Variants in ELP3 observed in about 807,000 individuals in gnomAD.
ELP3 encodes the protein elongator acetyltransferase complex subunit 3.
ELP3 carries 56 observed loss-of-function variants against 74.9 expected under a neutral mutation model. The observed-to-expected ratio is 0.75, with a 90% CI of 0.60 to 0.93. ELP3 has a LOEUF of 0.93. ELP3 is among the 40% of genes least tolerant of loss of function. The pLI is 0.00. For missense variants in ELP3, 573 were observed against 686.5 expected, an observed-to-expected ratio of 0.83 and a Z score of 1.85; for synonymous variants, 222 against 239.8, an observed-to-expected ratio of 0.93 and a Z score of 0.68.
upstream of ELP3, chr8:28,090,369 G>A: frequency 2.6e-6 from 1 of 382,066 alleles, no homozygotes; most frequent in Non-Finnish European, 5.1e-6. Context: ...CCAGGATGTT[G>A]CTTCCCGGTC....
intron 7 of ELP3, among the ~76,000 whole-genome samples, chr8:28,126,566 T>C (rs533816810): frequency 5.3e-5 from 8 of 152,160 alleles, no homozygotes; most frequent in Admixed American, 4.6e-4. Context: ...TCTCGAGAAG[T>C]TGACAGAGTT....
intron 6 of ELP3, chr8:28,112,461 CTT>C (rs1358947438): frequency 6.6e-6 from 1 of 151,872 alleles, no homozygotes; most frequent in African/African-American, 2.4e-5. Flanking sequence ...CAGACTTTCA[CTT>C]TTTTTTAGAA....
chr8:28,097,915 T>TA, intron 2 of ELP3, among the ~76,000 whole-genome samples: 1 of 152,168 alleles, frequency 6.6e-6, no homozygotes, highest in African/African-American at 2.4e-5. Context: ...TGTCCAGGGG[T>TA]AAGTAACTAG....
chr8:28,156,978 G>A (rs1179870844), intron 11 of ELP3, among the ~76,000 whole-genome samples: 1 of 152,130 alleles, frequency 6.6e-6, no homozygotes. Flanking sequence ...CACCAAACAA[G>A]ATTGTGTGCC....
rs1156367923 is a variant in ELP3 at position 28,160,555 on chromosome 8, A to C, written c.1485+99A>C. 4 of 1,019,856 alleles carry C rather than the reference A, an allele frequency of 3.9e-6. No homozygotes were observed. The African/African-American group carries it at 6.5e-5, about 17-fold the overall frequency. 63.2% of individuals were successfully genotyped at this position (1,019,856 alleles called of 1,614,324 possible). On this transcript the variant is annotated intron_variant, in intron 13 of 14. Transcript: ENST00000256398. ...AGAGAAGAGGAAGAGGCAGAGGAGC[A>C]GGAGAGGGGAAAGAGAAGCATAGAA...
At chr8:28,110,295 T>C in intron 5 of ELP3, 75 bp from the exon 6 acceptor site, 1 of 1,324,668 alleles carries the variant, frequency 7.5e-7, no homozygotes. Flanking sequence ...GAGAGTTTTT[T>C]TTAAAATACA....
At chr8:28,108,416 G>A (rs922306631) in intron 5 of ELP3, among the ~76,000 whole-genome samples, 1 of 151,430 alleles carries the variant, frequency 6.6e-6, no homozygotes, top group Non-Finnish European at 1.5e-5. Context: ...AGTGGAAAAT[G>A]GACAGGGTCC....
rs558426690 is a variant in ELP3, at chr8:28,140,094, G to A, written c.1100+2203G>A. ...CTAGAACCAATCCCCTTTGGATACCGAGGGACAACTGTACATATTTTGTGT... is the reference window on the plus strand; with the variant it reads ...CTAGAACCAATCCCCTTTGGATACCAAGGGACAACTGTACATATTTTGTGT... On this transcript the variant is annotated intron_variant, in intron 10 of 14. Coordinates refer to ENST00000256398, the MANE Select transcript of ELP3 (RefSeq NM_018091.6). 2.6e-5 allele frequency among the ~76,000 whole-genome samples: 4 copies of A among 151,052 alleles called. No homozygotes were observed. In the South Asian group the frequency reaches 6.4e-4, roughly 24 times the overall value.
chr8:28,141,490 T>C (rs1160742405), intron 10 of ELP3, among the ~76,000 whole-genome samples: 1 of 152,212 alleles, frequency 6.6e-6, no homozygotes, highest in Non-Finnish European at 1.5e-5. Flanking sequence ...TAAAGGACTT[T>C]AATGGGACAC....
intron 10 of ELP3, among the ~76,000 whole-genome samples, chr8:28,146,821 G>T (rs1044506086): frequency 1.2e-4 from 19 of 152,108 alleles, no homozygotes; most frequent in African/African-American, 4.6e-4. Flanking sequence ...TGGTATACTC[G>T]CAGCACGATA....
At chr8:28,189,327 G>A (rs1205870601) in intron 14 of ELP3, among the ~76,000 whole-genome samples, 1 of 152,246 alleles carries the variant, frequency 6.6e-6, no homozygotes, top group African/African-American at 2.4e-5. Context: ...GTGGTGCCTG[G>A]TGTTGCCAGT....
At chr8:28,144,201 C>T (rs1049721017) in intron 10 of ELP3, among the ~76,000 whole-genome samples, 8 of 152,142 alleles carry the variant, frequency 5.3e-5, no homozygotes, top group East Asian at 3.8e-4. Context: ...CTCACCCAAA[C>T]GAATAGGAGA....
chr8:28,091,195 C>T (rs868552025), upstream of ELP3, among the ~76,000 whole-genome samples: 12 of 152,166 alleles, frequency 7.9e-5, no homozygotes, highest in South Asian at 1.9e-3. Context: ...CATGAGCCAC[C>T]GCGCCCGGCC....
rs1213678712 is a variant in ELP3, at chr8:28,139,021, A to C, written c.1100+1130A>C. ...GTGGTGCGGAGCAGTGTAGGTATCC[A>C]CATGCAGGAGGCAGGGAGCCACAGG... is the stretch of plus-strand genomic sequence containing the variant. On this transcript the variant is annotated intron_variant, in intron 10 of 14. Transcript: ENST00000256398. 3.3e-5 allele frequency among the ~76,000 whole-genome samples: 5 copies of C among 152,280 alleles called. No individual in the cohort carries two copies. The East Asian group carries it at 9.7e-4, about 29-fold the overall frequency.
intron 5 of ELP3, among the ~76,000 whole-genome samples, chr8:28,110,098 C>T (rs1181908743): frequency 6.6e-6 from 1 of 152,110 alleles, no homozygotes; most frequent in Non-Finnish European, 1.5e-5. Context: ...ACTTTGGTGA[C>T]CCTGGGATTC....
intron 5 of ELP3, among the ~76,000 whole-genome samples, chr8:28,109,442 T>C (rs1237376357): frequency 1.3e-5 from 2 of 152,196 alleles, no homozygotes; most frequent in South Asian, 2.1e-4. Flanking sequence ...TTTTTCACTC[T>C]TCCCCCTACC....
rs778208605 is a variant in ELP3, at chr8:28,189,674, A to G, written c.1593A>G (p.Arg531=). Residue 531 remains arginine, a synonymous_variant, in exon 15 of 15, where the codon AGA becomes AGG. Transcript: ENST00000256398. Reference sequence around the variant, plus strand: ...GGGTCGGCACCAGGAATTATTATAGAAAGATCGGCTACAGATTACAAGGCC... The same window carrying G: ...GGGTCGGCACCAGGAATTATTATAGGAAGATCGGCTACAGATTACAAGGCC... ...ISGVGTRNYY[R]KIGYRLQGPY... is the part of the protein sequence containing the mutation. The G allele has an allele frequency of 7.4e-6, 12 of 1,614,046 alleles. No individual in the cohort carries two copies. Among genetic ancestry groups the G allele is most frequent in the Middle Eastern group, 1.6e-4 (1 of 6,084 alleles).
In ELP3 at chr8:28,093,228, G is replaced by T; in HGVS notation, c.14G>T (p.Arg5Leu). MRQK[R>L]KGDLSPAELM... ...GGCGGCGCAGAAATGAGGCAGAAGC[G>T]GAAAGGTGCGAAAGGGGAAGGAGAT... Residue 5 changes from arginine to leucine, a missense_variant, in exon 1 of 15, where the codon CGG becomes CTG. By Grantham distance (102) the Arg-to-Leu change is moderately radical. Coordinates refer to ENST00000256398, the MANE Select transcript of ELP3 (RefSeq NM_018091.6). The T allele has an allele frequency of 6.2e-7, 1 of 1,613,244 alleles. No homozygotes were observed. Among genetic ancestry groups the T allele is most frequent in the Non-Finnish European group, 8.5e-7 (1 of 1,179,894 alleles).
At chr8:28,166,848 C>T (rs1394920795) in intron 14 of ELP3, among the ~76,000 whole-genome samples, 1 of 152,178 alleles carries the variant, frequency 6.6e-6, no homozygotes, top group Non-Finnish European at 1.5e-5. Context: ...GGTATCAGAT[C>T]CAATCGTGTG....
Sources: allele counts gnomAD v4.1 joint callset (sites outside exome capture counted in the v4.1 genomes callset), GRCh38; gene constraint gnomAD v4.1.1; transcripts MANE v1.5; gene names NCBI Gene and HGNC (gene_info 2026-07-23, HGNC 2026-07-21).